DNMBP: variants seen among roughly 807,000 people sequenced by gnomAD.
DNMBP encodes the protein dynamin binding protein.
DNMBP carries 87 observed loss-of-function variants against 150.0 expected under a neutral mutation model. That is an observed-to-expected ratio of 0.58 (90% CI 0.49 to 0.69). DNMBP has a LOEUF of 0.69. Ranked by LOEUF, DNMBP falls within the 30% of genes least tolerant of loss-of-function variation. The probability of loss-of-function intolerance (pLI) is 0.00; values close to 1 mark genes in which losing one functional copy is unlikely to be tolerated. For synonymous variants in DNMBP, 711 were observed against 750.4 expected (o/e 0.95, Z 0.86); for missense variants, 1,774 against 1,949.0 (o/e 0.91, Z 1.69).
At chr10:99,941,096 G>T (rs992478188) in intron 4 of DNMBP, among the ~76,000 whole-genome samples, 1 of 152,056 alleles carries the variant, frequency 6.6e-6, no homozygotes, top group African/African-American at 2.4e-5. Context: ...TGTTGGTCCG[G>T]ATGGTCGCAA....
chr10:99,887,264 G>A (rs554775885), intron 12 of DNMBP, among the ~76,000 whole-genome samples: 4 of 152,200 alleles, frequency 2.6e-5, no homozygotes, highest in African/African-American at 4.8e-5. Flanking sequence ...GGTTGGGAAC[G>A]GTGGCTCATG....
chr10:99,888,103 G>A (rs1035460219), intron 12 of DNMBP, among the ~76,000 whole-genome samples: 92 of 152,236 alleles, frequency 6.0e-4, no homozygotes, highest in African/African-American at 1.8e-3. Context: ...GATTAGAGGC[G>A]TGAGCCACCA....
intron 4 of DNMBP, among the ~76,000 whole-genome samples, chr10:99,923,911 C>CG (rs11435175): frequency 1 from 151,597 of 152,318 alleles, 75,440 homozygotes; most frequent in Middle Eastern, 1. Context: ...CCCAGCACTT[C>CG]GGGGGCCGAG....
intron 4 of DNMBP, among the ~76,000 whole-genome samples, chr10:99,915,372 A>G (rs10883422): frequency 0.44 from 65,303 of 149,682 alleles, 14,439 homozygotes; most frequent in Non-Finnish European, 0.46. Flanking sequence ...AAACTTAACC[A>G]GTACTTTTTA....
chr10:99,956,402 T>C lies in DNMBP; in HGVS notation c.1072A>G (p.Thr358Ala). 1.9e-6 allele frequency: 3 copies of C among 1,613,914 alleles called. No homozygotes were observed. The highest frequency in any genetic ancestry group is 2.2e-5 in the East Asian group (1 of 44,858). Residue 358 changes from threonine (T) to alanine (A), a missense_variant, in exon 4 of 17, where the codon ACT (threonine) becomes GCT (alanine). Coordinates refer to ENST00000324109, the MANE Select transcript of DNMBP (RefSeq NM_015221.4). Reference sequence around the variant, plus strand: ...GAAGTCAGATGACCGAGGGGAGAAGTGGGTGCTTCAGAAATAATGCAGTCA... The same window carrying C: ...GAAGTCAGATGACCGAGGGGAGAAGCGGGTGCTTCAGAAATAATGCAGTCA... ...EPDCIISEAP[T>A]SPLGHLTSEY... is the part of the protein sequence containing the mutation.
intron 15 of DNMBP, among the ~76,000 whole-genome samples, chr10:99,882,596 C>T (rs575308020): frequency 1.5e-4 from 22 of 151,634 alleles, no homozygotes; most frequent in Non-Finnish European, 2.7e-4. Context: ...AATTATCGCA[C>T]CGTACCCCAT....
At position 99,891,982 on chromosome 10, in the gene DNMBP, C is replaced by T. The variant is rs375240116; in HGVS notation, c.3156+2964G>A. On this transcript the variant is annotated intron_variant, in intron 11 of 16. Coordinates refer to ENST00000324109, the MANE Select transcript of DNMBP (RefSeq NM_015221.4). ...GAGGTGAGGGGCGCCTCTGCCCGGC[C>T]GCCCCTACTGGGAAGTGAGGAGCCC... is the stretch of plus-strand genomic sequence containing the variant. Among the ~76,000 whole-genome samples, 766 of 144,858 alleles carry T rather than the reference C, an allele frequency of 5.3e-3. 11 individuals carry two copies. The East Asian group carries it at 0.07, about 13-fold the overall frequency.
Position 99,877,011 on chromosome 10 carries a change from G to A in DNMBP, c.*140C>T, listed in dbSNP as rs2039284518. On this transcript the variant is annotated 3_prime_UTR_variant, in exon 17 of 17. Transcript: ENST00000324109. ...AACCCAATCGAGGAGAACAAGATCT[G>A]TGGTGTGCTCCACCATGCCATGGTT... 1 of 663,492 alleles carries A rather than the reference G, an allele frequency of 1.5e-6. No individual in the cohort carries two copies. The highest frequency in any genetic ancestry group is 1.8e-5 in the African/African-American group (1 of 54,380). The allele number at this position is 663,492 out of a possible 1,614,324, so 41.1% of individuals were successfully genotyped here.
chr10:99,918,574 C>CTTTT (rs71009786), intron 4 of DNMBP, among the ~76,000 whole-genome samples: 1 of 137,898 alleles, frequency 7.3e-6, no homozygotes, highest in Non-Finnish European at 1.5e-5. Flanking sequence ...TCTGCAACTT[C>CTTTT]TTTTTTTTTT....
In DNMBP at chr10:99,915,128, T is replaced by TATATATATAC. The variant is rs1439020903; in HGVS notation, c.2261-5983_2261-5982insGTATATATAT. 4.4e-3 allele frequency among the ~76,000 whole-genome samples: 549 copies of TATATATATAC among 125,936 alleles called. 2 individuals are homozygous for TATATATATAC. The highest frequency in any genetic ancestry group is 0.016 in the African/African-American group (507 of 31,068). 82.6% of individuals were successfully genotyped at this position (125,936 alleles called of 152,430 possible). On this transcript the variant is annotated intron_variant, in intron 4 of 16. Transcript: ENST00000324109. The stretch of plus-strand genomic sequence containing the variant: ...AAAAAAATATATATATATATATATA[T>TATATATATAC]ACACACACACACATATATATACATA...
Position 99,896,289 on chromosome 10 carries a change from T to C in DNMBP, c.3029A>G (p.His1010Arg), listed in dbSNP as rs1225808678. 1 of 1,614,164 alleles carries C rather than the reference T, an allele frequency of 6.2e-7. No homozygotes were observed. The highest frequency in any genetic ancestry group is 1.1e-5 in the South Asian group (1 of 91,082). The change falls in exon 10 of 17, where the codon CAT becomes CGT. Residue 1010 changes from histidine to arginine, a missense_variant. By Grantham distance (29) the His-to-Arg change is conservative. Coordinates refer to ENST00000324109, the MANE Select transcript of DNMBP (RefSeq NM_015221.4). The stretch of plus-strand genomic sequence containing the variant: ...CACCTGAGGAGCAAAGCCAGTGAGA[T>C]GCTTCAGGTGACTGCTAACTCGGTT... ...KSNRVSSHLK[H>R]LTGFAPQIKD...
intron 11 of DNMBP, among the ~76,000 whole-genome samples, chr10:99,892,298 G>A (rs1250160889): frequency 8.2e-5 from 12 of 147,040 alleles, no homozygotes; most frequent in South Asian, 6.8e-4. Context: ...TGACAATGGC[G>A]GCTTTGTGGA....
intron 15 of DNMBP, among the ~76,000 whole-genome samples, chr10:99,881,770 C>A (rs1030417339): frequency 1.9e-4 from 29 of 152,184 alleles, no homozygotes; most frequent in Admixed American, 6.5e-5. Flanking sequence ...CACTTTTAAT[C>A]TCTCGTTCTG....
chr10:100,005,764 C>CAAA (rs760685767), intron 1 of DNMBP, among the ~76,000 whole-genome samples: 48 of 37,916 alleles, frequency 1.3e-3, no homozygotes, highest in African/African-American at 4.2e-3. Context: ...CAAAAGTCTC[C>CAAA]AAAAAAAAAA....
chr10:99,994,766 T>C (rs142894068), intron 1 of DNMBP, among the ~76,000 whole-genome samples: 78 of 152,322 alleles, frequency 5.1e-4, no homozygotes, highest in Non-Finnish European at 8.5e-4. Flanking sequence ...AGGAAAAACA[T>C]TGGCATTACT....
rs532249360 is a variant in DNMBP at position 99,973,257 on chromosome 10, A to G, written c.-10-1123T>C. On this transcript the variant is annotated intron_variant, in intron 1 of 16. Coordinates refer to ENST00000324109, the MANE Select transcript of DNMBP (RefSeq NM_015221.4). ...AATTTAAAAATAATAATTTCTTCAT[A>G]TATTTTTCATTTGGACCGCAAAGGA... Among the ~76,000 whole-genome samples the G allele has an allele frequency of 1.2e-4, 19 of 152,282 alleles. 2 individuals are homozygous for G. The South Asian group carries it at 3.7e-3, about 30-fold the overall frequency.
chr10:99,888,202 TTTTG>T (rs1279133623), intron 12 of DNMBP, among the ~76,000 whole-genome samples: 204 of 118,572 alleles, frequency 1.7e-3, no homozygotes, highest in African/African-American at 5.7e-3. Flanking sequence ...AAGGTTTTTT[TTTTG>T]TTTGTTTGTT....
At chr10:99,882,999 A>G (rs2039393463) in intron 15 of DNMBP, among the ~76,000 whole-genome samples, 1 of 152,186 alleles carries the variant, frequency 6.6e-6, no homozygotes, top group African/African-American at 2.4e-5. Context: ...GTGAGCTGAG[A>G]TCGTGCTGCT....
intron 3 of DNMBP, among the ~76,000 whole-genome samples, chr10:99,962,275 T>C (rs1395153826): frequency 6.6e-6 from 1 of 152,232 alleles, no homozygotes; most frequent in Non-Finnish European, 1.5e-5. Flanking sequence ...AGGGTCTTGG[T>C]CCTGTATTTC....
Sources: gnomAD v4.1 joint callset for allele counts (sites outside exome capture counted in the v4.1 genomes callset) on GRCh38, gnomAD v4.1.1 for gene constraint, MANE v1.5 for transcripts, NCBI Gene and HGNC (gene_info 2026-07-23, HGNC 2026-07-21) for gene names.